KIAA1328: variants seen among roughly 807,000 people sequenced by gnomAD.
KIAA1328 encodes protein hinderin.
Under a neutral mutation model 68.1 loss-of-function variants are expected in KIAA1328, and 52 were observed. The observed-to-expected ratio is 0.76, with a 90% CI of 0.61 to 0.96. KIAA1328 has a LOEUF of 0.96. Ranked by LOEUF, KIAA1328 falls within the 40% of genes least tolerant of loss-of-function variation. The pLI, the probability that KIAA1328 is intolerant of heterozygous loss-of-function variation, is 0.00. For synonymous variants in KIAA1328, 232 were observed against 239.4 expected (o/e 0.97, Z 0.28); for missense variants, 641 against 677.6 (o/e 0.95, Z 0.60).
chr18:37,044,007 T>C (rs1413366883), intron 6 of KIAA1328, among the ~76,000 whole-genome samples: 1 of 152,226 alleles, frequency 6.6e-6, no homozygotes, highest in Non-Finnish European at 1.5e-5. Context: ...GAAAGTACCA[T>C]ATTTTAAGAT....
chr18:36,870,053 G>A (rs1219403472), intron 4 of KIAA1328, among the ~76,000 whole-genome samples: 1 of 151,932 alleles, frequency 6.6e-6, no homozygotes, highest in Non-Finnish European at 1.5e-5. Context: ...TAGTAGAGAC[G>A]GGGTTTCACC....
intron 7 of KIAA1328, among the ~76,000 whole-genome samples, chr18:37,085,480 A>AT (rs952035573): frequency 1.3e-5 from 2 of 152,076 alleles, no homozygotes; most frequent in Admixed American, 6.6e-5. Flanking sequence ...TTAAAAAGGT[A>AT]TTTTTTTAGG....
At chr18:37,167,453 T>C (rs2059412662) in intron 8 of KIAA1328, among the ~76,000 whole-genome samples, 1 of 152,068 alleles carries the variant, frequency 6.6e-6, no homozygotes, top group Admixed American at 6.6e-5. Flanking sequence ...GGATGGGGTG[T>C]CAGAAGGGGG....
At chr18:37,218,393 G>T (rs976220776) in intron 9 of KIAA1328, among the ~76,000 whole-genome samples, 2 of 152,202 alleles carry the variant, frequency 1.3e-5, no homozygotes, top group Non-Finnish European at 1.5e-5. Context: ...TGGGTAAGGA[G>T]CCCTTAATGT....
intron 7 of KIAA1328, among the ~76,000 whole-genome samples, chr18:37,109,464 A>G (rs957923599): frequency 2.6e-5 from 4 of 152,116 alleles, no homozygotes; most frequent in Non-Finnish European, 4.4e-5. Context: ...TTTCAATCAT[A>G]TTTGTTATAT....
At chr18:37,051,350 T>C (rs2055686797) in intron 6 of KIAA1328, among the ~76,000 whole-genome samples, 2 of 151,850 alleles carry the variant, frequency 1.3e-5, no homozygotes, top group Non-Finnish European at 2.9e-5. Flanking sequence ...ATAAGCACAC[T>C]CAGAAATCAC....
intron 9 of KIAA1328, among the ~76,000 whole-genome samples, chr18:37,198,292 T>A (rs1248189142): frequency 1.3e-5 from 2 of 152,300 alleles, no homozygotes; most frequent in East Asian, 3.9e-4. Flanking sequence ...AAACTAAAAA[T>A]CACCAAGCTG....
rs150331090 is a variant in KIAA1328, at chr18:37,192,592, G to A, written c.1523+19511G>A. On this transcript the variant is annotated intron_variant, in intron 9 of 9. Transcript: ENST00000280020. ...TCAGCTTACGGCTTTTCCTGCTGGA[G>A]CCTAGCAAGTAATATTCTCTGACTC... Among the ~76,000 whole-genome samples the A allele has an allele frequency of 7.2e-4, 110 of 152,254 alleles. 2 individuals are homozygous for A. In the East Asian group the frequency reaches 0.021, roughly 29 times the overall value.
chr18:36,861,441 T>C (rs1161309971), intron 4 of KIAA1328, among the ~76,000 whole-genome samples: 2 of 152,194 alleles, frequency 1.3e-5, no homozygotes, highest in Admixed American at 6.5e-5. Flanking sequence ...TATTCAAATA[T>C]ACTGTTTGTT....
At chr18:36,829,624 T>G (rs1198565631) in intron 1 of KIAA1328, among the ~76,000 whole-genome samples, 1 of 152,150 alleles carries the variant, frequency 6.6e-6, no homozygotes, top group Non-Finnish European at 1.5e-5. Context: ...TTTAGGATTG[T>G]CTTTAGTCTG....
chr18:37,080,413 T>C (rs2056909804), intron 7 of KIAA1328, among the ~76,000 whole-genome samples: 1 of 152,314 alleles, frequency 6.6e-6, no homozygotes, highest in South Asian at 2.1e-4. Flanking sequence ...TCTTCTTGGT[T>C]AGCCTTTGTG....
At chr18:37,051,524 G>T (rs933306559) in intron 6 of KIAA1328, among the ~76,000 whole-genome samples, 6 of 152,074 alleles carry the variant, frequency 3.9e-5, no homozygotes, top group African/African-American at 1.4e-4. Context: ...ATCCTAAACA[G>T]ACCAAATAAC....
intron 7 of KIAA1328, among the ~76,000 whole-genome samples, chr18:37,117,529 A>G (rs1216441693): frequency 1.3e-5 from 2 of 152,184 alleles, no homozygotes; most frequent in East Asian, 1.9e-4. Flanking sequence ...GCATTAGGAG[A>G]TATAACTAAT....
chr18:36,957,239 A>G (rs1359929711), intron 5 of KIAA1328, among the ~76,000 whole-genome samples: 1 of 152,206 alleles, frequency 6.6e-6, no homozygotes, highest in African/African-American at 2.4e-5. Context: ...TTTAAAAACT[A>G]ATATTTCGAC....
intron 9 of KIAA1328, among the ~76,000 whole-genome samples, chr18:37,206,487 G>C (rs1240497775): frequency 6.6e-6 from 1 of 152,078 alleles, no homozygotes; most frequent in South Asian, 2.1e-4. Context: ...ATCTTGTGGG[G>C]GTCCTGTCTT....
chr18:36,858,420 G>T (rs2047450612), intron 4 of KIAA1328, among the ~76,000 whole-genome samples: 1 of 152,106 alleles, frequency 6.6e-6, no homozygotes, highest in African/African-American at 2.4e-5. Context: ...ATAGTTCAGA[G>T]AGTTCCCATT....
intron 6 of KIAA1328, among the ~76,000 whole-genome samples, chr18:36,960,079 T>C (rs1324997719): frequency 1.1e-4 from 17 of 152,092 alleles, no homozygotes; most frequent in Admixed American, 7.9e-4. Flanking sequence ...ACAGACTGTA[T>C]CTGGAAAAAC....
chr18:36,971,820 C>T (rs1304938809), intron 6 of KIAA1328, among the ~76,000 whole-genome samples: 1 of 151,554 alleles, frequency 6.6e-6, no homozygotes, highest in African/African-American at 2.4e-5. Context: ...ATATATGGAC[C>T]CAAAGAGAGG....
intron 7 of KIAA1328, among the ~76,000 whole-genome samples, chr18:37,100,590 G>T (rs968359532): frequency 2.0e-5 from 3 of 152,222 alleles, no homozygotes; most frequent in African/African-American, 7.2e-5. Context: ...CTCCACCTCT[G>T]GGGGCAGGGC....
Sources: allele counts gnomAD v4.1 joint callset (sites outside exome capture counted in the v4.1 genomes callset), GRCh38; gene constraint gnomAD v4.1.1; transcripts MANE v1.5; gene names NCBI Gene and HGNC (gene_info 2026-07-23, HGNC 2026-07-21).